Variants in FRMD5 observed in about 807,000 individuals in gnomAD.
FRMD5 encodes the protein FERM domain containing 5, also known as FERM domain-containing protein 5.
A neutral mutation model predicts 69.0 loss-of-function variants in FRMD5; 20 were observed. The ratio of observed to expected loss-of-function variants is 0.29; its 90% CI spans 0.20 to 0.42. FRMD5 has a LOEUF of 0.42. FRMD5 is among the 10% of genes least tolerant of loss of function. FRMD5 has a pLI of 1.00. For synonymous variants in FRMD5, 271 were observed against 260.1 expected (o/e 1.04, Z -0.40); for missense variants, 595 against 708.6 (o/e 0.84, Z 1.82).
chr15:43,922,417 T>C (rs2089509718), intron 2 of FRMD5, among the ~76,000 whole-genome samples: 1 of 152,164 alleles, frequency 6.6e-6, no homozygotes, highest in South Asian at 2.1e-4. Context: ...CTGGAAGAAT[T>C]AGGTTTGTGT....
intron 1 of FRMD5, among the ~76,000 whole-genome samples, chr15:43,975,115 C>A (rs2090444194): frequency 6.6e-6 from 1 of 152,192 alleles, no homozygotes. Flanking sequence ...AAAAGATAAA[C>A]TAGGCATCGC....
chr15:43,988,786 G>A (rs1347147751), intron 1 of FRMD5, among the ~76,000 whole-genome samples: 1 of 151,984 alleles, frequency 6.6e-6, no homozygotes, highest in Non-Finnish European at 1.5e-5. Flanking sequence ...AGGAGGGCAA[G>A]GTACTTCCTG....
At chr15:43,988,728 C>T (rs543081123) in intron 1 of FRMD5, among the ~76,000 whole-genome samples, 15 of 152,242 alleles carry the variant, frequency 9.9e-5, no homozygotes, top group African/African-American at 2.2e-4. Context: ...TGTGTGGACA[C>T]GGGAGAGGAC....
intron 1 of FRMD5, among the ~76,000 whole-genome samples, chr15:43,951,742 G>A (rs930569900): frequency 6.6e-6 from 1 of 152,166 alleles, no homozygotes; most frequent in Admixed American, 6.5e-5. Context: ...GCTCTTGTTT[G>A]TTGTGATGAG....
chr15:43,919,083 T>C (rs2089446356), intron 4 of FRMD5: 11 of 356,916 alleles, frequency 3.1e-5, no homozygotes, highest in South Asian at 2.3e-4. Flanking sequence ...AGTATATCCA[T>C]TAGACCACTT....
At chr15:44,136,076 C>T (rs933669451) in intron 1 of FRMD5, among the ~76,000 whole-genome samples, 2 of 152,018 alleles carry the variant, frequency 1.3e-5, no homozygotes, top group Non-Finnish European at 2.9e-5. Context: ...GGCTGGAGTA[C>T]AGTGGCGCCA....
At chr15:43,915,267 A>G (rs1425914612) in intron 4 of FRMD5, among the ~76,000 whole-genome samples, 58 of 152,238 alleles carry the variant, frequency 3.8e-4, no homozygotes, top group African/African-American at 2.4e-5. Context: ...CTTTCACACT[A>G]CAATGACAGA....
chr15:44,068,189 TCAAA>T (rs1893389455), intron 1 of FRMD5, among the ~76,000 whole-genome samples: 1 of 152,206 alleles, frequency 6.6e-6, no homozygotes. Context: ...TGGCAGTTTC[TCAAA>T]CAGTTAAATA....
At chr15:43,981,310 A>G (rs985941330) in intron 1 of FRMD5, among the ~76,000 whole-genome samples, 1 of 150,820 alleles carries the variant, frequency 6.6e-6, no homozygotes, top group Admixed American at 6.6e-5. Context: ...ACAATAAATT[A>G]GAGAAAAAAA....
intron 1 of FRMD5, among the ~76,000 whole-genome samples, chr15:44,128,369 G>A (rs1457368910): frequency 1.3e-5 from 2 of 152,154 alleles, no homozygotes; most frequent in Non-Finnish European, 1.5e-5. Context: ...AATCCCAGCT[G>A]CTGGGGAGAC....
intron 1 of FRMD5, among the ~76,000 whole-genome samples, chr15:43,961,587 C>A (rs138658582): frequency 6.6e-6 from 1 of 152,112 alleles, no homozygotes; most frequent in African/African-American, 2.4e-5. Context: ...CAAAGCCTGG[C>A]GGAGACACAA....
At chr15:44,125,159 G>A (rs118131633) in intron 1 of FRMD5, among the ~76,000 whole-genome samples, 5 of 152,264 alleles carry the variant, frequency 3.3e-5, no homozygotes, top group Non-Finnish European at 7.3e-5. Context: ...ATAACTAGCT[G>A]GGCATTGTGG....
Position 43,873,153 on chromosome 15 carries a change from C to T in FRMD5, c.*732G>A, listed in dbSNP as rs775609747. On this transcript the variant is annotated 3_prime_UTR_variant, in exon 14 of 14. Transcript: ENST00000417257. ...ATGGTGATGCCCACTAGGCTCTAGA[C>T]TAAGGGGACAGACTTACCCCACCCC... is the stretch of plus-strand genomic sequence containing the variant. 6.5e-7 allele frequency: 1 copy of T among 1,548,478 alleles called. No individual in the cohort carries two copies. Among genetic ancestry groups the T allele is most frequent in the Admixed American group, 2.0e-5 (1 of 50,988 alleles).
chr15:44,041,398 C>T (rs1291182825), intron 1 of FRMD5, among the ~76,000 whole-genome samples: 1 of 152,142 alleles, frequency 6.6e-6, no homozygotes, highest in Non-Finnish European at 1.5e-5. Flanking sequence ...TTCTGCTCAG[C>T]ACCACATTGC....
intron 1 of FRMD5, among the ~76,000 whole-genome samples, chr15:44,124,828 C>A (rs972141423): frequency 2.6e-5 from 4 of 152,126 alleles, no homozygotes; most frequent in African/African-American, 9.7e-5. Context: ...ATGAATAAGA[C>A]AGACTTCAAA....
intron 1 of FRMD5, among the ~76,000 whole-genome samples, chr15:44,104,832 T>C (rs1005675234): frequency 3.9e-5 from 6 of 152,202 alleles, no homozygotes; most frequent in East Asian, 1.9e-4. Flanking sequence ...ACTGGAATCA[T>C]ACAATATGTA....
intron 1 of FRMD5, among the ~76,000 whole-genome samples, chr15:44,080,045 A>G (rs1395261271): frequency 6.6e-6 from 1 of 152,140 alleles, no homozygotes; most frequent in Non-Finnish European, 1.5e-5. Flanking sequence ...TAGCACAACA[A>G]TGTGAATGTT....
intron 1 of FRMD5, among the ~76,000 whole-genome samples, chr15:44,102,372 C>G (rs1319108416): frequency 2.0e-5 from 3 of 152,166 alleles, no homozygotes; most frequent in Non-Finnish European, 4.4e-5. Flanking sequence ...AATATTATCA[C>G]ATAAAGTTAA....
chr15:43,920,647 C>T (rs2089477702), intron 2 of FRMD5, among the ~76,000 whole-genome samples: 1 of 152,108 alleles, frequency 6.6e-6, no homozygotes, highest in African/African-American at 2.4e-5. Flanking sequence ...GGTAGGACTG[C>T]TATTAATTGG....
Sources: gnomAD v4.1 joint callset for allele counts (sites outside exome capture counted in the v4.1 genomes callset) on GRCh38, gnomAD v4.1.1 for gene constraint, MANE v1.5 for transcripts, NCBI Gene and HGNC (gene_info 2026-07-23, HGNC 2026-07-21) for gene names.